Variants in BAZ2B observed in about 807,000 individuals in gnomAD.
BAZ2B encodes bromodomain adjacent to zinc finger domain 2B.
In BAZ2B, 91 loss-of-function variants were observed where a neutral mutation model predicts 246.0. The ratio of observed to expected loss-of-function variants is 0.37; its 90% CI spans 0.31 to 0.44. BAZ2B has a LOEUF of 0.44. BAZ2B is among the 20% of genes least tolerant of loss of function. BAZ2B has a pLI of 1.00. For synonymous variants in BAZ2B, 855 were observed against 860.0 expected, an observed-to-expected ratio of 0.99 and a Z score of 0.10; for missense variants, 2,332 against 2,533.7, an observed-to-expected ratio of 0.92 and a Z score of 1.71.
chr2:159,612,486 T>A (rs535717108), intron 1 of BAZ2B, among the ~76,000 whole-genome samples: 1 of 152,138 alleles, frequency 6.6e-6, no homozygotes, highest in Non-Finnish European at 1.5e-5. Flanking sequence ...ATCATATCTC[T>A]TCTTTTGGTA....
chr2:159,371,987 CA>C (rs757944277), intron 27 of BAZ2B, among the ~76,000 whole-genome samples: 2 of 152,068 alleles, frequency 1.3e-5, no homozygotes, highest in Non-Finnish European at 2.9e-5. Context: ...TCAATCAGAA[CA>C]ATTCATTTTT....
intron 35 of BAZ2B, 110 bp from the exon 36 acceptor site, chr2:159,325,064 A>ATATAT (rs2063356107): frequency 2.2e-3 from 4 of 1,780 alleles, no homozygotes; most frequent in African/African-American, 7.4e-3. Flanking sequence ...TATATATTAT[A>ATATAT]TATATATATA....
intron 2 of BAZ2B, among the ~76,000 whole-genome samples, chr2:159,495,046 C>T (rs1438856309): frequency 6.6e-6 from 1 of 151,820 alleles, no homozygotes; most frequent in Non-Finnish European, 1.5e-5. Flanking sequence ...TTTTCAGGGG[C>T]CATATGTGTA....
intron 27 of BAZ2B, among the ~76,000 whole-genome samples, chr2:159,371,659 C>G (rs546099405): frequency 1.3e-5 from 2 of 152,312 alleles, no homozygotes; most frequent in East Asian, 3.9e-4. Flanking sequence ...TTCTTCCAAT[C>G]CAATGCGTAC....
intron 2 of BAZ2B, among the ~76,000 whole-genome samples, chr2:159,514,066 T>C (rs1243366707): frequency 6.6e-6 from 1 of 152,146 alleles, no homozygotes; most frequent in Non-Finnish European, 1.5e-5. Flanking sequence ...TGTGAATCCT[T>C]CCTCAGCCCC....
At chr2:159,531,173 A>T (rs1578137438) in intron 2 of BAZ2B, among the ~76,000 whole-genome samples, 2 of 152,206 alleles carry the variant, frequency 1.3e-5, no homozygotes, top group East Asian at 3.8e-4. Context: ...TTTTATAACA[A>T]GTCATAATTT....
At chr2:159,588,214 CAA>C (rs556237766) in intron 1 of BAZ2B, among the ~76,000 whole-genome samples, 64 of 109,138 alleles carry the variant, frequency 5.9e-4, no homozygotes, top group Middle Eastern at 5.3e-3. Context: ...GACCCTGCAT[CAA>C]AAAAAAAAAA....
rs540769614 is a variant in BAZ2B, at chr2:159,475,031, GTCTTGGGGTTGCTTT to G, written c.145+3529_145+3543del. Among the ~76,000 whole-genome samples, 6 of 152,176 alleles carry G rather than the reference GTCTTGGGGTTGCTTT, an allele frequency of 3.9e-5. No homozygotes were observed. The East Asian group carries it at 1.2e-3, about 29-fold the overall frequency. On this transcript the variant is annotated intron_variant, in intron 3 of 36. Transcript: ENST00000392783. ...ACCTTGGTGAATCTGACGATTCTGT[GTCTTGGGGTTGCTTT>G]TCTTGAAGAGTATCTTTGTGTTCTC...
chr2:159,693,637 G>T, the BAZ2B span: 2 of 151,464 alleles, frequency 1.3e-5, 1 homozygote, highest in East Asian at 3.9e-4. Context: ...TGTCCAGGCT[G>T]GTCTTAAACT....
At chr2:159,410,671 A>T (rs1238585269) in intron 14 of BAZ2B, among the ~76,000 whole-genome samples, 1 of 152,244 alleles carries the variant, frequency 6.6e-6, no homozygotes, top group South Asian at 2.1e-4. Flanking sequence ...ACTAATACAC[A>T]TACTAAGATA....
At chr2:159,568,244 G>A (rs1293969200) in intron 1 of BAZ2B, among the ~76,000 whole-genome samples, 1 of 152,146 alleles carries the variant, frequency 6.6e-6, no homozygotes, top group Non-Finnish European at 1.5e-5. Flanking sequence ...AACAGCTGAT[G>A]TCCATAGAAA....
intron 13 of BAZ2B, 64 bp from the exon 14 acceptor site, chr2:159,412,609 G>A (rs750297545): frequency 1.4e-6 from 2 of 1,441,392 alleles, no homozygotes; most frequent in East Asian, 2.5e-5. Context: ...AGATCAACAT[G>A]TAAGAAAATT....
chr2:159,643,464 C>T, the BAZ2B span, among the ~76,000 whole-genome samples: 1 of 152,166 alleles, frequency 6.6e-6, no homozygotes, highest in Non-Finnish European at 1.5e-5. Context: ...AAAACAGCCA[C>T]ATTGAAGTTT....
chr2:159,602,172 G>GA (rs1692312013), intron 1 of BAZ2B, among the ~76,000 whole-genome samples: 1 of 151,912 alleles, frequency 6.6e-6, no homozygotes, highest in African/African-American at 2.4e-5. Flanking sequence ...AGCCATAAAT[G>GA]AAAAAAATGA....
chr2:159,543,532 A>AT (rs2086908049), intron 2 of BAZ2B, among the ~76,000 whole-genome samples: 1 of 144,060 alleles, frequency 6.9e-6, no homozygotes. Flanking sequence ...AATCTTAACA[A>AT]TTCTTTTTTT....
chr2:159,440,269 A>C (rs2073130800), intron 6 of BAZ2B, among the ~76,000 whole-genome samples: 1 of 152,184 alleles, frequency 6.6e-6, no homozygotes, highest in Admixed American at 6.6e-5. Context: ...AAAGAACAAA[A>C]TATAGAAAAA....
chr2:159,564,415 A>G (rs896242810), intron 1 of BAZ2B, among the ~76,000 whole-genome samples: 1 of 152,212 alleles, frequency 6.6e-6, no homozygotes, highest in Non-Finnish European at 1.5e-5. Flanking sequence ...TAAAAAAACA[A>G]CAACACTCTA....
At chr2:159,652,302 C>T in the BAZ2B span, among the ~76,000 whole-genome samples, 4 of 151,894 alleles carry the variant, frequency 2.6e-5, no homozygotes, top group East Asian at 1.9e-4. Context: ...CTCCACCTCC[C>T]GGATTCAAGT....
chr2:159,706,535 CGT>C, the BAZ2B span, among the ~76,000 whole-genome samples: 19 of 152,272 alleles, frequency 1.2e-4, no homozygotes, highest in East Asian at 3.9e-4. Context: ...CGTGTGTGTG[CGT>C]GTGTGTTTGT....
Sources: allele counts gnomAD v4.1 joint callset (sites outside exome capture counted in the v4.1 genomes callset), GRCh38; gene constraint gnomAD v4.1.1; transcripts MANE v1.5; gene names NCBI Gene and HGNC (gene_info 2026-07-23, HGNC 2026-07-21).